PCDHA7: variants seen among roughly 807,000 people sequenced by gnomAD.
The protein encoded by PCDHA7 is protocadherin alpha 7.
PCDHA7 carries 37 observed loss-of-function variants against 57.2 expected under a neutral mutation model. The observed-to-expected ratio is 0.65, with a 90% CI of 0.50 to 0.85. The LOEUF is 0.85. Ranked by LOEUF, PCDHA7 falls within the 40% of genes least tolerant of loss-of-function variation. The pLI is 0.00. For missense variants in PCDHA7, 1,188 were observed against 1,241.8 expected (o/e 0.96, Z 0.65); for synonymous variants, 553 against 558.8 (o/e 0.99, Z 0.15).
At chr5:140,933,036 A>G (rs545196190) in intron 1 of PCDHA7, among the ~76,000 whole-genome samples, 5 of 152,154 alleles carry the variant, frequency 3.3e-5, no homozygotes, top group South Asian at 4.1e-4. Context: ...CTTCAAGTGA[A>G]TATGGATTAC....
At chr5:140,862,635 C>G in intron 1 of PCDHA7, 1 of 538,778 alleles carries the variant, frequency 1.9e-6, no homozygotes, top group Non-Finnish European at 3.8e-6. Context: ...GCTGCCACGA[C>G]TTCACAGTGT....
rs530563833 is a variant in PCDHA7, at chr5:140,894,957, T to A, written c.2355+58219T>A. Among the ~76,000 whole-genome samples, 18 of 152,324 alleles carry A rather than the reference T, an allele frequency of 1.2e-4. No individual in the cohort carries two copies. In the East Asian group the frequency reaches 3.3e-3, roughly 28 times the overall value. Reference sequence around the variant, plus strand: ...AGCTATTGTCATGAAATGATAAAAATATAATTTTTTAATGTCTTACTTTGT... The same window carrying A: ...AGCTATTGTCATGAAATGATAAAAAAATAATTTTTTAATGTCTTACTTTGT... On this transcript the variant is annotated intron_variant, in intron 1 of 3. Transcript: ENST00000525929.
At chr5:140,930,306 CAT>C (rs1554207728) in intron 1 of PCDHA7, 1 of 152,052 alleles carries the variant, frequency 6.6e-6, no homozygotes, top group East Asian at 1.9e-4. Context: ...AAGTAAATAT[CAT>C]ATTTGAGAGT....
chr5:140,870,589 C>A (rs1445004841), intron 1 of PCDHA7: 30 of 1,613,510 alleles, frequency 1.9e-5, no homozygotes, highest in Non-Finnish European at 2.5e-5. Context: ...GCTGGTGGAG[C>A]GGCGGTTGGG....
chr5:140,849,485 G>A, intron 1 of PCDHA7: 1 of 1,590,948 alleles, frequency 6.3e-7, no homozygotes, highest in African/African-American at 1.4e-5. Flanking sequence ...TCCCACCCCT[G>A]GCTGGTCATT....
At position 140,836,922 on chromosome 5, in the gene PCDHA7, A is replaced by T; in HGVS notation, c.2355+184A>T. On this transcript the variant is annotated intron_variant, in intron 1 of 3. Coordinates refer to ENST00000525929, the MANE Select transcript of PCDHA7 (RefSeq NM_018910.3). ...GTTTAATATACACTTTTGTTTTGGGATGCGTAATACTATAGATCAAAATCT... is the reference window on the plus strand; with the variant it reads ...GTTTAATATACACTTTTGTTTTGGGTTGCGTAATACTATAGATCAAAATCT... The T allele has an allele frequency of 5.6e-6, 3 of 537,660 alleles. No homozygotes were observed. In the South Asian group the frequency reaches 9.2e-5, roughly 16 times the overall value. 33.3% of individuals were successfully genotyped at this position (537,660 alleles called of 1,614,324 possible). A position where few individuals can be genotyped will look rare whatever the true frequency, so the allele number is the denominator to read the frequency against.
intron 1 of PCDHA7, chr5:140,868,273 C>A (rs1311976993): frequency 6.6e-6 from 1 of 151,892 alleles, no homozygotes; most frequent in Non-Finnish European, 1.5e-5. Flanking sequence ...TTTTTTAAAA[C>A]TACCAAGTTT....
Position 140,835,755 on chromosome 5 carries a change from C to T in PCDHA7, c.1372C>T (p.Pro458Ser), listed in dbSNP as rs2150244114. ...VNDNAPAFAQ[P>S]EYTVFVKENN... Reference sequence around the variant, plus strand: ...CGACAACGCCCCGGCGTTCGCGCAGCCCGAGTATACGGTGTTCGTGAAGGA... The same window carrying T: ...CGACAACGCCCCGGCGTTCGCGCAGTCCGAGTATACGGTGTTCGTGAAGGA... Residue 458 changes from proline to serine, a missense_variant, in exon 1 of 4, where the codon CCC becomes TCC. By Grantham distance (74) the Pro-to-Ser change is moderately conservative. This residue lies in a region of PCDHA7 where 892 missense variants were observed against 788.5 expected (regional missense o/e 1.13). Coordinates refer to ENST00000525929, the MANE Select transcript of PCDHA7 (RefSeq NM_018910.3). 3.7e-6 allele frequency: 6 copies of T among 1,613,528 alleles called. No homozygotes were observed. Among genetic ancestry groups the T allele is most frequent in the Admixed American group, 3.3e-5 (2 of 60,022 alleles).
chr5:140,942,588 A>G lies in PCDHA7; in HGVS notation c.2356-36361A>G, dbSNP rs1416575390. Among the ~76,000 whole-genome samples the G allele has an allele frequency of 2.0e-5, 3 of 149,704 alleles. No homozygotes were observed. The East Asian group carries it at 5.9e-4, about 29-fold the overall frequency. ...AAAATCTTCCCATATAGGATGTCAC[A>G]TATAATTATAGTGTTTATATTTGCC... On this transcript the variant is annotated intron_variant, in intron 1 of 3. Transcript: ENST00000525929.
chr5:140,874,732 C>T (rs1338972564), intron 1 of PCDHA7, among the ~76,000 whole-genome samples: 1 of 152,186 alleles, frequency 6.6e-6, no homozygotes, highest in Non-Finnish European at 1.5e-5. Context: ...TTATCACATT[C>T]AAGCATCAAG....
chr5:140,895,021 G>T (rs956122734), intron 1 of PCDHA7, among the ~76,000 whole-genome samples: 3 of 151,838 alleles, frequency 2.0e-5, no homozygotes, highest in Non-Finnish European at 4.4e-5. Context: ...TTTTTCCTTT[G>T]TTTAATTGTC....
intron 1 of PCDHA7, chr5:140,862,002 T>C (rs1430406580): frequency 6.4e-6 from 1 of 155,594 alleles, no homozygotes; most frequent in Non-Finnish European, 1.4e-5. Context: ...CACTGGTTAT[T>C]AGACTTAACC....
At chr5:140,977,263 TAC>T (rs1466968557) in intron 1 of PCDHA7, among the ~76,000 whole-genome samples, 4 of 152,230 alleles carry the variant, frequency 2.6e-5, no homozygotes, top group Admixed American at 1.3e-4. Flanking sequence ...CAGCAGATGT[TAC>T]AGTCTTTCTC....
intron 1 of PCDHA7, chr5:140,850,431 C>G: frequency 6.3e-7 from 1 of 1,597,912 alleles, no homozygotes; most frequent in Non-Finnish European, 8.6e-7. Flanking sequence ...ACCGCGCCAG[C>G]GCCTACTGGT....
chr5:140,940,434 T>A (rs155816), intron 1 of PCDHA7, among the ~76,000 whole-genome samples: 48,246 of 152,056 alleles, frequency 0.32, 7,999 homozygotes, highest in East Asian at 0.53. Flanking sequence ...TGATCAAGTC[T>A]GCCATGATAT....
chr5:140,926,665 G>C, intron 1 of PCDHA7: 1 of 538,906 alleles, frequency 1.9e-6, no homozygotes, highest in Non-Finnish European at 2.9e-6. Context: ...TTTCCCAGAC[G>C]GCTGCCCAGC....
intron 3 of PCDHA7, among the ~76,000 whole-genome samples, chr5:141,009,296 T>A (rs889577032): frequency 3.3e-4 from 50 of 152,004 alleles, no homozygotes; most frequent in Non-Finnish European, 5.3e-4. Context: ...TTCTATAAAA[T>A]TTTTTTTAAA....
chr5:140,844,668 T>C lies in PCDHA7; in HGVS notation c.2355+7930T>C, dbSNP rs2150373115. Among the ~76,000 whole-genome samples, 20 of 149,718 alleles carry C rather than the reference T, an allele frequency of 1.3e-4. 1 individual carries two copies. The highest frequency in any genetic ancestry group is 4.9e-4 in the African/African-American group (20 of 40,994). On this transcript the variant is annotated intron_variant, in intron 1 of 3. Transcript: ENST00000525929. ...TCATTCTTGCAAACCAAACATATAA[T>C]TTATAAATCCTTATTATACAGAATA... is the stretch of plus-strand genomic sequence containing the variant.
chr5:140,925,076 A>G (rs1388489555), intron 1 of PCDHA7, among the ~76,000 whole-genome samples: 2 of 148,798 alleles, frequency 1.3e-5, no homozygotes, highest in Non-Finnish European at 3.0e-5. Context: ...CAACACGCTC[A>G]TCTGGAAAGG....
Sources: allele counts gnomAD v4.1 joint callset (sites outside exome capture counted in the v4.1 genomes callset), GRCh38; gene constraint gnomAD v4.1.1; regional missense constraint gnomAD v4.1.1; transcripts MANE v1.5; gene names NCBI Gene and HGNC (gene_info 2026-07-23, HGNC 2026-07-21).